STARD13: variants seen among roughly 807,000 people sequenced by gnomAD.
STARD13 encodes stAR-related lipid transfer protein 13.
Under a neutral mutation model 106.4 loss-of-function variants are expected in STARD13, and 62 were observed. That is an observed-to-expected ratio of 0.58 (90% CI 0.48 to 0.72). The LOEUF is 0.72. Ranked by LOEUF, STARD13 falls within the 30% of genes least tolerant of loss-of-function variation. The pLI is 0.00. For synonymous variants in STARD13, 565 were observed against 553.0 expected (o/e 1.02, Z -0.31); for missense variants, 1,387 against 1,424.0 (o/e 0.97, Z 0.42).
the STARD13 span, among the ~76,000 whole-genome samples, chr13:33,635,714 G>A: frequency 6.6e-6 from 1 of 151,816 alleles, no homozygotes; most frequent in African/African-American, 2.4e-5. Flanking sequence ...TGGGCGCAGT[G>A]GTTCACACCT....
At chr13:33,558,456 T>A in the STARD13 span, among the ~76,000 whole-genome samples, 4 of 152,142 alleles carry the variant, frequency 2.6e-5, no homozygotes, top group African/African-American at 7.2e-5. Flanking sequence ...TATGGCCCTG[T>A]TGGTAAGGTG....
At chr13:33,210,243 T>G (rs1887647244) in intron 1 of STARD13, among the ~76,000 whole-genome samples, 2 of 152,188 alleles carry the variant, frequency 1.3e-5, no homozygotes, top group Non-Finnish European at 2.9e-5. Flanking sequence ...GAGGAGCCCT[T>G]ACAAAGTAGC....
the STARD13 span, among the ~76,000 whole-genome samples, chr13:33,528,259 T>TATATATATATATATATATATATATACAC: frequency 2.4e-5 from 3 of 126,974 alleles, no homozygotes; most frequent in Admixed American, 7.9e-5. Context: ...TATATATACA[T>TATATATATATATATATATATATATACAC]ATATATATAT....
intron 1 of STARD13, among the ~76,000 whole-genome samples, chr13:33,261,869 C>T (rs905766823): frequency 6.6e-6 from 1 of 152,168 alleles, no homozygotes; most frequent in Non-Finnish European, 1.5e-5. Context: ...AGTTAAAACA[C>T]TGTATGCACG....
At chr13:33,136,816 G>T (rs1310015932) in intron 4 of STARD13, among the ~76,000 whole-genome samples, 5 of 150,454 alleles carry the variant, frequency 3.3e-5, no homozygotes, top group African/African-American at 1.2e-4. Context: ...CTTCTTTGAT[G>T]TGGGACAAGA....
chr13:33,625,047 A>C, the STARD13 span, among the ~76,000 whole-genome samples: 1 of 152,208 alleles, frequency 6.6e-6, no homozygotes, highest in Non-Finnish European at 1.5e-5. Context: ...TGAGGGCAGC[A>C]GTGGCAGTTC....
the STARD13 span, among the ~76,000 whole-genome samples, chr13:33,544,794 G>A: frequency 9.0e-6 from 1 of 111,442 alleles, no homozygotes; most frequent in Non-Finnish European, 1.8e-5. Context: ...TTTTTTTTGA[G>A]ATGGAGGCTT....
chr13:33,113,165 C>G (rs577278521), intron 8 of STARD13: 4 of 525,378 alleles, frequency 7.6e-6, no homozygotes, highest in South Asian at 6.0e-5. Context: ...ATCCCACGCT[C>G]TCGATGGCCA....
chr13:33,124,844 C>T (rs1876917638), intron 7 of STARD13, among the ~76,000 whole-genome samples: 1 of 152,136 alleles, frequency 6.6e-6, no homozygotes, highest in Non-Finnish European at 1.5e-5. Flanking sequence ...AGCCTGTCAC[C>T]CTTATTTCTG....
the STARD13 span, among the ~76,000 whole-genome samples, chr13:33,479,555 G>A: frequency 4.6e-5 from 7 of 152,272 alleles, no homozygotes; most frequent in Non-Finnish European, 7.3e-5. Context: ...AGAAATAAAC[G>A]TTCCTGAACA....
At chr13:33,217,097 A>G (rs552834403) in intron 1 of STARD13, among the ~76,000 whole-genome samples, 1 of 152,224 alleles carries the variant, frequency 6.6e-6, no homozygotes, top group African/African-American at 2.4e-5. Context: ...AGTCCCCCCA[A>G]TAAACCCTAT....
the STARD13 span, among the ~76,000 whole-genome samples, chr13:33,566,357 G>A: frequency 6.8e-6 from 1 of 147,864 alleles, no homozygotes; most frequent in Non-Finnish European, 1.5e-5. Context: ...GCGGTTTCAG[G>A]CATCCACTGG....
intron 1 of STARD13, among the ~76,000 whole-genome samples, chr13:33,229,987 T>C (rs1888829914): frequency 6.6e-6 from 1 of 152,206 alleles, no homozygotes; most frequent in Non-Finnish European, 1.5e-5. Flanking sequence ...ATCCCACAGC[T>C]GTTGTGGCTG....
the STARD13 span, among the ~76,000 whole-genome samples, chr13:33,451,567 A>G: frequency 6.6e-6 from 1 of 152,174 alleles, no homozygotes; most frequent in Non-Finnish European, 1.5e-5. Context: ...GGATCATGAG[A>G]AAAGGAGTTT....
chr13:33,478,769 A>T, the STARD13 span, among the ~76,000 whole-genome samples: 33 of 152,118 alleles, frequency 2.2e-4, no homozygotes, highest in African/African-American at 7.5e-4. Context: ...TAGAAAAATT[A>T]TCCAGGTATG....
Position 33,323,740 on chromosome 13 carries a change from C to G in STARD13, c.124+26550G>C, listed in dbSNP as rs144183036. On this transcript the variant is annotated intron_variant, in intron 1 of 5. Transcript: ENST00000567873. The stretch of plus-strand genomic sequence containing the variant: ...AAATGGATTCTGGCAGAAAACATAG[C>G]CAGAAATATGCATCATGCTCTTAAA... Among the ~76,000 whole-genome samples the G allele has an allele frequency of 3.1e-3, 473 of 152,274 alleles. 3 individuals carry two copies. Among genetic ancestry groups the G allele is most frequent in the Non-Finnish European group, 5.3e-3 (360 of 68,022 alleles).
chr13:33,227,961 G>A (rs1888708424), intron 1 of STARD13, among the ~76,000 whole-genome samples: 1 of 152,170 alleles, frequency 6.6e-6, no homozygotes, highest in South Asian at 2.1e-4. Context: ...TGAACATAAT[G>A]ATAGATTGAA....
At chr13:33,370,700 C>T in the STARD13 span, among the ~76,000 whole-genome samples, 1 of 149,440 alleles carries the variant, frequency 6.7e-6, no homozygotes, top group Non-Finnish European at 1.5e-5. Context: ...CTGACTGCAA[C>T]CTCCGCCTCC....
the STARD13 span, among the ~76,000 whole-genome samples, chr13:33,498,966 C>T: frequency 6.6e-6 from 1 of 152,104 alleles, no homozygotes; most frequent in African/African-American, 2.4e-5. Flanking sequence ...GGTGAAACCC[C>T]GTCTCTACTA....
Sources: allele counts gnomAD v4.1 joint callset (sites outside exome capture counted in the v4.1 genomes callset), GRCh38; gene constraint gnomAD v4.1.1; transcripts MANE v1.5; gene names NCBI Gene and HGNC (gene_info 2026-07-23, HGNC 2026-07-21).